ANTXR1: variants seen among roughly 807,000 people sequenced by gnomAD.
ANTXR1 encodes ANTXR cell adhesion molecule 1, also known as anthrax toxin receptor 1.
ANTXR1 carries 19 observed loss-of-function variants against 78.1 expected under a neutral mutation model. That is an observed-to-expected ratio of 0.24 (90% CI 0.17 to 0.36). ANTXR1 has a LOEUF of 0.36. Ranked by LOEUF, ANTXR1 falls within the 10% of genes least tolerant of loss-of-function variation. The pLI, the probability that ANTXR1 is intolerant of heterozygous loss-of-function variation, is 1.00. For missense variants in ANTXR1, 518 were observed against 718.6 expected (o/e 0.72, Z 3.19); for synonymous variants, 273 against 260.5 (o/e 1.05, Z -0.46).
intron 13 of ANTXR1, among the ~76,000 whole-genome samples, chr2:69,163,162 T>C (rs552169343): frequency 2.0e-5 from 3 of 152,228 alleles, no homozygotes; most frequent in African/African-American, 7.2e-5. Flanking sequence ...GGCTTTGAGC[T>C]ACAGAAACAA....
chr2:69,151,753 G>C (rs559112242), intron 12 of ANTXR1, among the ~76,000 whole-genome samples: 9 of 152,308 alleles, frequency 5.9e-5, no homozygotes, highest in Middle Eastern at 3.4e-3. Flanking sequence ...GTTCAGGGGA[G>C]CAGGCTGAAT....
intron 3 of ANTXR1, among the ~76,000 whole-genome samples, chr2:69,066,491 G>A (rs1368251232): frequency 6.6e-6 from 1 of 151,692 alleles, no homozygotes; most frequent in Non-Finnish European, 1.5e-5. Context: ...TTTCTTACGT[G>A]TTCATCTTTT....
chr2:69,067,190 G>C (rs1670423887), intron 3 of ANTXR1, among the ~76,000 whole-genome samples: 1 of 151,992 alleles, frequency 6.6e-6, no homozygotes, highest in Non-Finnish European at 1.5e-5. Flanking sequence ...GAGCAGCAAG[G>C]GTGGTATAAT....
intron 17 of ANTXR1, among the ~76,000 whole-genome samples, chr2:69,216,624 G>A (rs1162620357): frequency 3.3e-5 from 5 of 152,148 alleles, no homozygotes; most frequent in African/African-American, 4.8e-5. Flanking sequence ...CCATGTCCCA[G>A]AGACTGGGCT....
intron 17 of ANTXR1, among the ~76,000 whole-genome samples, chr2:69,209,946 C>T (rs755538202): frequency 2.6e-5 from 4 of 152,194 alleles, no homozygotes; most frequent in Non-Finnish European, 5.9e-5. Flanking sequence ...TAACATTCTA[C>T]AAAGATGACC....
At chr2:69,026,505 A>G (rs372441192) in intron 1 of ANTXR1, among the ~76,000 whole-genome samples, 38 of 152,364 alleles carry the variant, frequency 2.5e-4, no homozygotes, top group African/African-American at 8.9e-4. Flanking sequence ...TACTCAGTAA[A>G]TGTGAAGTGT....
chr2:69,074,908 T>C (rs1353883702), intron 6 of ANTXR1, among the ~76,000 whole-genome samples: 1 of 152,206 alleles, frequency 6.6e-6, no homozygotes. Flanking sequence ...TATCAGAGAC[T>C]TTAATAAATC....
intron 1 of ANTXR1, among the ~76,000 whole-genome samples, chr2:69,020,262 T>C (rs982855485): frequency 6.6e-6 from 1 of 152,192 alleles, no homozygotes; most frequent in South Asian, 2.1e-4. Flanking sequence ...ACTTAATGCT[T>C]GGTTTTAAAT....
At chr2:69,096,678 T>C (rs997358238) in intron 9 of ANTXR1, among the ~76,000 whole-genome samples, 4 of 152,220 alleles carry the variant, frequency 2.6e-5, no homozygotes, top group African/African-American at 4.8e-5. Flanking sequence ...TTAACTTAAA[T>C]TTATTGCTAA....
chr2:69,096,173 G>A (rs1197917457), intron 9 of ANTXR1, among the ~76,000 whole-genome samples: 1 of 151,468 alleles, frequency 6.6e-6, no homozygotes, highest in Non-Finnish European at 1.5e-5. Context: ...CAGGAGAATG[G>A]CATGAACCCG....
At chr2:69,191,787 C>G (rs1283273287) in intron 16 of ANTXR1, among the ~76,000 whole-genome samples, 1 of 152,220 alleles carries the variant, frequency 6.6e-6, no homozygotes, top group Non-Finnish European at 1.5e-5. Context: ...GAGGAAGAAT[C>G]TGCAATTGGT....
intron 3 of ANTXR1, among the ~76,000 whole-genome samples, chr2:69,064,781 C>T (rs1476879357): frequency 1.3e-5 from 2 of 152,152 alleles, no homozygotes; most frequent in Non-Finnish European, 2.9e-5. Context: ...GTGTCAAAGA[C>T]AATCCATGGG....
intron 9 of ANTXR1, among the ~76,000 whole-genome samples, chr2:69,091,495 T>G (rs2104285160): frequency 6.7e-6 from 1 of 149,730 alleles, no homozygotes; most frequent in South Asian, 2.2e-4. Context: ...TGGGACCTAA[T>G]TAGAAGGGAA....
intron 1 of ANTXR1, among the ~76,000 whole-genome samples, chr2:69,021,875 A>G (rs2103994310): frequency 6.6e-6 from 1 of 152,330 alleles, no homozygotes; most frequent in Admixed American, 6.5e-5. Flanking sequence ...GCATTCATCA[A>G]CCTAGAATTA....
chr2:69,153,257 GCA>G (rs1673444003), intron 13 of ANTXR1, among the ~76,000 whole-genome samples: 1 of 152,170 alleles, frequency 6.6e-6, no homozygotes, highest in African/African-American at 2.4e-5. Context: ...TCAGCATTTA[GCA>G]CACAGTGTGA....
intron 6 of ANTXR1, among the ~76,000 whole-genome samples, chr2:69,074,799 G>A (rs116099894): frequency 5.9e-5 from 9 of 152,272 alleles, no homozygotes; most frequent in Non-Finnish European, 1.2e-4. Flanking sequence ...TTGAGCACTC[G>A]CTCTATGTTT....
At chr2:69,096,075 G>A (rs13005536) in intron 9 of ANTXR1, among the ~76,000 whole-genome samples, 58,892 of 151,264 alleles carry the variant, frequency 0.39, 12,086 homozygotes, top group Admixed American at 0.5. Context: ...TGGCTAACAC[G>A]GTGAAACCCC....
rs536389090 is a variant in ANTXR1 at position 69,027,098 on chromosome 2, G to A, written c.153-12946G>A. Among the ~76,000 whole-genome samples, 56 of 152,296 alleles carry A rather than the reference G, an allele frequency of 3.7e-4. 1 individual carries two copies. The East Asian group carries it at 6.6e-3, about 18-fold the overall frequency. On this transcript the variant is annotated intron_variant, in intron 1 of 17. Transcript: ENST00000303714. ...CAGATCTGGAAGTGAGTTTGCAGTC[G>A]AGTGGGGACCTGAGAGAGATGAGAA...
chr2:69,059,495 T>G (rs1670167345), intron 3 of ANTXR1, among the ~76,000 whole-genome samples: 1 of 148,454 alleles, frequency 6.7e-6, no homozygotes, highest in South Asian at 2.1e-4. Flanking sequence ...TTTTTTTTTT[T>G]GAGACCGAGT....
Sources: allele counts gnomAD v4.1 joint callset (sites outside exome capture counted in the v4.1 genomes callset), GRCh38; gene constraint gnomAD v4.1.1; transcripts MANE v1.5; gene names NCBI Gene and HGNC (gene_info 2026-07-23, HGNC 2026-07-21).